Variants in KLRG1 observed in about 807,000 individuals in gnomAD.
KLRG1 encodes the protein killer cell lectin like receptor G1, also known as killer cell lectin-like receptor subfamily G member 1.
A neutral mutation model predicts 21.8 loss-of-function variants in KLRG1; 16 were observed. The ratio of observed to expected loss-of-function variants is 0.73; its 90% CI spans 0.50 to 1.11. The LOEUF (loss-of-function observed/expected upper bound fraction) is 1.11. KLRG1 is among the 50% of genes most tolerant of loss of function. KLRG1 has a pLI of 0.00. For missense variants in KLRG1, 173 were observed against 218.3 expected, an observed-to-expected ratio of 0.79 and a Z score of 1.31; for synonymous variants, 69 against 75.9, an observed-to-expected ratio of 0.91 and a Z score of 0.47.
chr12:9,045,011 G>T, the KLRG1 span, among the ~76,000 whole-genome samples: 2 of 152,220 alleles, frequency 1.3e-5, no homozygotes, highest in Non-Finnish European at 2.9e-5. Context: ...CTATACAGAA[G>T]TTAGAAGCAT....
At chr12:9,098,842 A>G in the KLRG1 span, 1 of 1,460,308 alleles carries the variant, frequency 6.8e-7, no homozygotes, top group Non-Finnish European at 9.3e-7. Context: ...TTCCTCATGT[A>G]CAATGTATAA....
intron 1 of KLRG1, among the ~76,000 whole-genome samples, chr12:8,960,534 G>C (rs1446902191): frequency 6.6e-6 from 1 of 152,146 alleles, no homozygotes; most frequent in Non-Finnish European, 1.5e-5. Context: ...ACTCACTAGC[G>C]CATTCAAATT....
the KLRG1 span, among the ~76,000 whole-genome samples, chr12:9,093,861 G>A: frequency 4.7e-5 from 7 of 149,598 alleles, no homozygotes; most frequent in Non-Finnish European, 1.0e-4. Context: ...TCCAGCCTGG[G>A]CGACCTGAGC....
At chr12:9,151,428 C>G in the KLRG1 span, among the ~76,000 whole-genome samples, 1 of 152,086 alleles carries the variant, frequency 6.6e-6, no homozygotes, top group Admixed American at 6.5e-5. Flanking sequence ...AAAAATAGAA[C>G]AGAACACTAC....
At chr12:9,202,682 G>T in the KLRG1 span, 3 of 1,612,818 alleles carry the variant, frequency 1.9e-6, no homozygotes, top group South Asian at 3.3e-5. Flanking sequence ...AGATCCTTGG[G>T]AGCTAAAAAG....
At chr12:8,992,418 T>C in intron 2 of KLRG1, 108 bp downstream of exon 2, 1 of 719,764 alleles carries the variant, frequency 1.4e-6, no homozygotes, top group Non-Finnish European at 2.3e-6. Context: ...AAAATAACTC[T>C]CCATCTGTAT....
intron 3 of KLRG1, among the ~76,000 whole-genome samples, chr12:8,998,380 G>A (rs1335315927): frequency 2.0e-5 from 3 of 151,826 alleles, no homozygotes. Flanking sequence ...CTACAAATCT[G>A]GCAGAGCCAA....
At chr12:9,077,553 C>T in the KLRG1 span, 4 of 1,472,172 alleles carry the variant, frequency 2.7e-6, no homozygotes, top group Non-Finnish European at 3.7e-6. Flanking sequence ...TCACAATCAA[C>T]TTTTGTTCTA....
chr12:9,165,943 G>A, the KLRG1 span: 7 of 1,341,060 alleles, frequency 5.2e-6, no homozygotes, highest in Non-Finnish European at 7.1e-6. Flanking sequence ...AGAGGAAGAG[G>A]TTAAGATAAT....
the KLRG1 span, among the ~76,000 whole-genome samples, chr12:9,131,892 G>C: frequency 6.6e-6 from 1 of 151,834 alleles, no homozygotes; most frequent in South Asian, 2.1e-4. Context: ...ACTGCTCATT[G>C]GCTAAACTAC....
At chr12:9,118,120 AT>A in the KLRG1 span, among the ~76,000 whole-genome samples, 2 of 152,338 alleles carry the variant, frequency 1.3e-5, no homozygotes, top group South Asian at 4.1e-4. Context: ...ATCAGACAGA[AT>A]AAGTGAGAAT....
the KLRG1 span, among the ~76,000 whole-genome samples, chr12:9,091,643 T>C: frequency 6.6e-6 from 1 of 152,212 alleles, no homozygotes; most frequent in Non-Finnish European, 1.5e-5. Flanking sequence ...AGCATAATCT[T>C]TTACAGACAA....
the KLRG1 span, among the ~76,000 whole-genome samples, chr12:9,052,507 C>T: frequency 6.6e-6 from 1 of 152,198 alleles, no homozygotes; most frequent in African/African-American, 2.4e-5. Flanking sequence ...AGATGCCTTT[C>T]CTGTTTTCTT....
intron 3 of KLRG1, among the ~76,000 whole-genome samples, chr12:9,001,278 T>G (rs1947299025): frequency 6.6e-6 from 1 of 152,216 alleles, no homozygotes; most frequent in South Asian, 2.1e-4. Flanking sequence ...TTGCTTTAAA[T>G]ACTTCACCTG....
the KLRG1 span, among the ~76,000 whole-genome samples, chr12:9,093,732 G>A: frequency 1.3e-5 from 2 of 152,088 alleles, no homozygotes; most frequent in Admixed American, 1.3e-4. Context: ...ATCAAGGAAA[G>A]CTTCTTTGAG....
At position 9,009,780 on chromosome 12, in the gene KLRG1, G is replaced by A. The variant is rs1415751910; in HGVS notation, c.*243G>A. ...GATCTAAGCAAATTTTGAAATAGAT[G>A]TTTGTTTTTTGTATTTCTCAGTATG... is the stretch of plus-strand genomic sequence containing the variant. On this transcript the variant is annotated 3_prime_UTR_variant, in exon 5 of 5. Transcript: ENST00000356986. The A allele has an allele frequency of 2.5e-5, 36 of 1,411,808 alleles. No homozygotes were observed. The highest frequency in any genetic ancestry group is 1.6e-5 in the Non-Finnish European group (17 of 1,089,414). The allele number at this position is 1,411,808 out of a possible 1,614,324, so 87.5% of individuals were successfully genotyped here.
the KLRG1 span, chr12:9,067,798 A>C: frequency 6.2e-7 from 1 of 1,612,084 alleles, no homozygotes; most frequent in Non-Finnish European, 8.5e-7. Context: ...GGACTCCAGC[A>C]AAGCACTTTT....
chr12:9,131,823 C>T, the KLRG1 span, among the ~76,000 whole-genome samples: 1 of 151,342 alleles, frequency 6.6e-6, no homozygotes, highest in Non-Finnish European at 1.5e-5. Context: ...TAAGATATAA[C>T]TCTTGAGTTG....
At chr12:9,081,783 T>A in the KLRG1 span, among the ~76,000 whole-genome samples, 1 of 152,184 alleles carries the variant, frequency 6.6e-6, no homozygotes, top group Non-Finnish European at 1.5e-5. Context: ...CCCACTCTGG[T>A]CTCATTTCAC....
Sources: gnomAD v4.1 joint callset for allele counts (sites outside exome capture counted in the v4.1 genomes callset) on GRCh38, gnomAD v4.1.1 for gene constraint, MANE v1.5 for transcripts, NCBI Gene and HGNC (gene_info 2026-07-23, HGNC 2026-07-21) for gene names.